Variants in CUX1 observed in about 807,000 individuals in gnomAD.
CUX1 encodes the protein protein CASP.
A neutral mutation model predicts 158.8 loss-of-function variants in CUX1; 31 were observed. That is an observed-to-expected ratio of 0.20 (90% CI 0.15 to 0.26). CUX1 has a LOEUF of 0.26. Ranked by LOEUF, CUX1 falls within the 10% of genes least tolerant of loss-of-function variation. The pLI is 1.00. For synonymous variants in CUX1, 879 were observed against 862.1 expected (o/e 1.02, Z -0.34); for missense variants, 1,589 against 2,014.6 (o/e 0.79, Z 4.04).
chr7:102,147,962 C>T (rs539856834), intron 8 of CUX1, among the ~76,000 whole-genome samples: 71 of 152,128 alleles, frequency 4.7e-4, no homozygotes, highest in African/African-American at 1.4e-3. Flanking sequence ...GGTGACAGAG[C>T]GAGACTCCGT....
At chr7:102,178,768 C>A in intron 11 of CUX1, 111 bp downstream of exon 11, 1 of 1,170,918 alleles carries the variant, frequency 8.5e-7, no homozygotes, top group Non-Finnish European at 1.2e-6. Context: ...AGTGTGGCAA[C>A]CTTGAACCTC....
At chr7:102,203,311 G>T (rs965509509) in intron 18 of CUX1, among the ~76,000 whole-genome samples, 1 of 152,120 alleles carries the variant, frequency 6.6e-6, no homozygotes, top group East Asian at 1.9e-4. Context: ...GAGGGAGCAC[G>T]TGGCTGGATC....
In CUX1 at chr7:102,201,025, T is replaced by TAAAAAAAAAAAAAAAAAA. The variant is rs78359248; in HGVS notation, c.2063-323_2063-306dup. On this transcript the variant is annotated intron_variant, in intron 17 of 23. Transcript: ENST00000292535. The surrounding 1 kb of genome is among the most constrained non-coding windows in gnomAD (Gnocchi z 5.0). ...CTGGACAACAGCGAGATCCTGTCGC[T>TAAAAAAAAAAAAAAAAAA]AAAAAAAAAAAAAAAAAAAAAAAAA... Among the ~76,000 whole-genome samples the TAAAAAAAAAAAAAAAAAA allele has an allele frequency of 4.7e-5, 2 of 42,144 alleles. No homozygotes were observed. The highest frequency in any genetic ancestry group is 2.1e-4 in the African/African-American group (2 of 9,692). 27.6% of individuals were successfully genotyped at this position (42,144 alleles called of 152,430 possible). A position where few individuals can be genotyped will look rare whatever the true frequency, so the allele number is the denominator to read the frequency against.
At chr7:102,047,069 C>T (rs1316490924) in intron 3 of CUX1, among the ~76,000 whole-genome samples, 1 of 152,172 alleles carries the variant, frequency 6.6e-6, no homozygotes, top group Non-Finnish European at 1.5e-5. Context: ...TCTGTTCATT[C>T]ATTGATTCAT....
intron 7 of CUX1, among the ~76,000 whole-genome samples, chr7:102,112,400 C>T (rs1275331250): frequency 1.0e-5 from 1 of 96,080 alleles, no homozygotes; most frequent in African/African-American, 5.5e-5. Context: ...CACCACCATG[C>T]CTGGCTGATT....
chr7:101,877,124 G>C (rs1326227661), intron 1 of CUX1, among the ~76,000 whole-genome samples: 1 of 152,200 alleles, frequency 6.6e-6, no homozygotes, highest in Non-Finnish European at 1.5e-5. Flanking sequence ...TTCCAGAAAA[G>C]TTGGAACAAT....
intron 8 of CUX1, among the ~76,000 whole-genome samples, chr7:102,147,546 A>G (rs1455976443): frequency 1.3e-5 from 2 of 152,116 alleles, no homozygotes; most frequent in Non-Finnish European, 2.9e-5. Flanking sequence ...AAAGCGAATC[A>G]TTTTCCTTCT....
chr7:101,969,316 CAG>C (rs1563073765), intron 2 of CUX1, among the ~76,000 whole-genome samples: 1 of 124,526 alleles, frequency 8.0e-6, no homozygotes, highest in Non-Finnish European at 1.6e-5. Context: ...TCCTGGGTGA[CAG>C]AGCAAGACCC....
rs551782352 is a variant in CUX1 at position 101,978,019 on chromosome 7, C to T, written c.142-50079C>T. Among the ~76,000 whole-genome samples, 3 of 151,862 alleles carry T rather than the reference C, an allele frequency of 2.0e-5. No homozygotes were observed. The South Asian group carries it at 6.3e-4, about 32-fold the overall frequency. On this transcript the variant is annotated intron_variant, in intron 2 of 23. Transcript: ENST00000292535. ...ATACAGGCTCTCCTGGTTCGGCCCA[C>T]CTTGCCCATCACTCTGCTGGGTCCC...
chr7:101,827,290 C>CTTCTCTTCTT (rs1461284975), intron 1 of CUX1, among the ~76,000 whole-genome samples: 3 of 113,920 alleles, frequency 2.6e-5, no homozygotes, highest in Non-Finnish European at 4.0e-5. Flanking sequence ...CTTCTCTTCT[C>CTTCTCTTCTT]TTCTTTTCTT....
At chr7:102,175,888 C>T (rs962735936) in intron 10 of CUX1, among the ~76,000 whole-genome samples, 5 of 152,200 alleles carry the variant, frequency 3.3e-5, no homozygotes, top group African/African-American at 4.8e-5. Context: ...ACCGAAATGC[C>T]GAATCGCTAT....
chr7:102,270,334 T>G, intron 14 of CUX1, among the ~76,000 whole-genome samples: 1 of 152,220 alleles, frequency 6.6e-6, no homozygotes, highest in Admixed American at 6.5e-5. Context: ...GGCCCCTCTC[T>G]GGTGGAAGCC....
Position 102,280,071 on chromosome 7 carries a change from C to A in CUX1, c.1715C>A (p.Ser572Ter). ...AGTGATGACACGGAGCTGCGGTACT[C>A]GTCCCAGTACGAGGAGCGCCTGGAC... is the stretch of plus-strand genomic sequence containing the variant. The change falls in exon 19 of 23, where the codon TCG becomes TAG. Residue 572 changes from serine (S) to a stop codon, truncating the protein, a stop_gained. Coordinates refer to the CUX1 transcript ENST00000292538. LOFTEE classifies it high-confidence loss of function. 1 of 1,610,722 alleles carries A rather than the reference C, an allele frequency of 6.2e-7. No homozygotes were observed. Among genetic ancestry groups the A allele is most frequent in the South Asian group, 1.1e-5 (1 of 91,076 alleles).
At chr7:101,973,461 G>A (rs559391486) in intron 2 of CUX1, among the ~76,000 whole-genome samples, 1 of 152,186 alleles carries the variant, frequency 6.6e-6, no homozygotes, top group Non-Finnish European at 1.5e-5. Context: ...ACTGGAGGGA[G>A]CAAGTTTTAC....
chr7:102,075,167 A>C (rs1000702099), intron 4 of CUX1, among the ~76,000 whole-genome samples: 2 of 151,950 alleles, frequency 1.3e-5, no homozygotes, highest in African/African-American at 4.8e-5. Flanking sequence ...CTGTGTTCTG[A>C]GCATTTTGTC....
downstream of CUX1, among the ~76,000 whole-genome samples, chr7:102,261,429 G>A (rs1323566907): frequency 1.3e-5 from 2 of 152,126 alleles, no homozygotes; most frequent in African/African-American, 4.8e-5. Context: ...AGGAGGCGGA[G>A]GTTGCAGTGA....
At chr7:102,260,409 G>A (rs1311186653), downstream of CUX1, among the ~76,000 whole-genome samples, 2 of 145,454 alleles carry the variant, frequency 1.4e-5, no homozygotes, top group Non-Finnish European at 3.0e-5. Flanking sequence ...TATTTGTTTC[G>A]TTTCGTTTTG....
At chr7:101,830,017 C>T (rs896508484) in intron 1 of CUX1, among the ~76,000 whole-genome samples, 3 of 152,168 alleles carry the variant, frequency 2.0e-5, no homozygotes, top group East Asian at 1.9e-4. Flanking sequence ...TATCTGTGGG[C>T]GGTTCGGTGA....
intron 1 of CUX1, among the ~76,000 whole-genome samples, chr7:101,909,378 G>C (rs564485573): frequency 2.0e-5 from 3 of 152,232 alleles, no homozygotes; most frequent in African/African-American, 4.8e-5. Flanking sequence ...GAAGCGTCTT[G>C]GGATGTTTTC....
Sources: gnomAD v4.1 joint callset for allele counts (sites outside exome capture counted in the v4.1 genomes callset) on GRCh38, gnomAD v4.1.1 for gene constraint, Gnocchi (gnomAD v3.1) non-coding constraint, MANE v1.5 for transcripts, NCBI Gene and HGNC (gene_info 2026-07-23, HGNC 2026-07-21) for gene names.